The following ELMO1 variants were observed in gnomAD, a reference collection of about 807,000 sequenced individuals.
ELMO1 encodes the protein engulfment and cell motility protein 1.
In ELMO1, 26 loss-of-function variants were observed where a neutral mutation model predicts 98.9. The observed-to-expected ratio is 0.26, with a 90% CI of 0.19 to 0.36. The LOEUF (loss-of-function observed/expected upper bound fraction) is 0.36, where lower values mean the gene tolerates loss of function less well. Ranked by LOEUF, ELMO1 falls within the 10% of genes least tolerant of loss-of-function variation. The pLI is 1.00. For synonymous variants in ELMO1, 346 were observed against 346.0 expected (o/e 1.00, Z 0.00); for missense variants, 627 against 935.2 (o/e 0.67, Z 4.30).
At chr7:37,378,446 G>C (rs555036593) in intron 1 of ELMO1, among the ~76,000 whole-genome samples, 3 of 152,288 alleles carry the variant, frequency 2.0e-5, no homozygotes. Context: ...GCATGCAAAA[G>C]AATGTCCAGA....
At chr7:37,295,334 T>A (rs1797977626) in intron 4 of ELMO1, among the ~76,000 whole-genome samples, 1 of 152,238 alleles carries the variant, frequency 6.6e-6, no homozygotes, top group Non-Finnish European at 1.5e-5. Context: ...GACAGTGGGC[T>A]GTACAAGTGT....
intron 16 of ELMO1, among the ~76,000 whole-genome samples, chr7:36,931,100 T>C (rs1484393596): frequency 3.3e-5 from 5 of 152,244 alleles, no homozygotes; most frequent in African/African-American, 4.8e-5. Flanking sequence ...ATCATGCTTA[T>C]TGGGCACCAT....
intron 13 of ELMO1, among the ~76,000 whole-genome samples, chr7:37,149,073 G>A (rs1482906762): frequency 1.3e-5 from 2 of 152,204 alleles, no homozygotes; most frequent in Admixed American, 6.5e-5. Context: ...ATCAGCATGG[G>A]AGGGGAAACC....
intron 3 of ELMO1, 41 bp downstream of exon 3, chr7:37,315,879 A>G (rs1347384293): frequency 1.3e-6 from 2 of 1,518,218 alleles, no homozygotes; most frequent in Non-Finnish European, 1.8e-6. Flanking sequence ...TTGTCAATTT[A>G]TCAACTAGAA....
intron 13 of ELMO1, among the ~76,000 whole-genome samples, chr7:37,192,998 TATATATATATAC>T (rs1207454640): frequency 0.031 from 2,957 of 94,440 alleles, 124 homozygotes; most frequent in Admixed American, 0.084. Flanking sequence ...TATATATATA[TATATATATATAC>T]ACACACACAC....
At chr7:37,120,261 T>C (rs1785914518) in intron 14 of ELMO1, among the ~76,000 whole-genome samples, 1 of 152,212 alleles carries the variant, frequency 6.6e-6, no homozygotes, top group African/African-American at 2.4e-5. Context: ...GATACTGGGT[T>C]CATCTCACTG....
intron 15 of ELMO1, among the ~76,000 whole-genome samples, chr7:37,022,479 G>A (rs151030031): frequency 7.2e-5 from 11 of 152,264 alleles, no homozygotes; most frequent in African/African-American, 2.6e-4. Flanking sequence ...ATGAAAAGGA[G>A]CTAAGCTTTT....
intron 15 of ELMO1, among the ~76,000 whole-genome samples, chr7:37,015,906 G>A (rs1328807702): frequency 6.6e-6 from 1 of 152,206 alleles, no homozygotes; most frequent in African/African-American, 2.4e-5. Flanking sequence ...GCAGAGAGAT[G>A]GCAAATGTGA....
intron 1 of ELMO1, among the ~76,000 whole-genome samples, chr7:37,348,708 C>A (rs1801123544): frequency 6.6e-6 from 1 of 152,084 alleles, no homozygotes; most frequent in Non-Finnish European, 1.5e-5. Flanking sequence ...TTGACTCCCA[C>A]CTAGAAACTC....
At chr7:37,239,207 C>T (rs1283574972) in intron 7 of ELMO1, among the ~76,000 whole-genome samples, 4 of 151,990 alleles carry the variant, frequency 2.6e-5, no homozygotes, top group Admixed American at 1.3e-4. Flanking sequence ...GCTCTGTCGC[C>T]CAGGCTGGAA....
intron 9 of ELMO1, 63 bp from the exon 10 acceptor site, chr7:37,222,756 T>G (rs1198225504): frequency 4.0e-6 from 6 of 1,502,596 alleles, no homozygotes; most frequent in African/African-American, 1.4e-5. Flanking sequence ...TAGCCCTGGG[T>G]CAAACCATGA....
At chr7:37,332,958 TG>T (rs1384250919) in intron 2 of ELMO1, among the ~76,000 whole-genome samples, 1 of 151,486 alleles carries the variant, frequency 6.6e-6, no homozygotes, top group Admixed American at 6.6e-5. Flanking sequence ...GGAAAAAGGG[TG>T]GATGGACTCA....
intron 7 of ELMO1, among the ~76,000 whole-genome samples, chr7:37,235,252 G>A (rs2130643381): frequency 6.6e-6 from 1 of 151,978 alleles, no homozygotes; most frequent in South Asian, 2.1e-4. Flanking sequence ...AAAAGAAGAA[G>A]AAAAGAAAGT....
At chr7:37,317,760 G>T (rs1799269151) in intron 2 of ELMO1, among the ~76,000 whole-genome samples, 1 of 152,134 alleles carries the variant, frequency 6.6e-6, no homozygotes, top group Non-Finnish European at 1.5e-5. Context: ...CTAGTATTTG[G>T]TAGCACAACA....
chr7:37,128,278 C>T (rs758237736), intron 14 of ELMO1, among the ~76,000 whole-genome samples: 2 of 152,198 alleles, frequency 1.3e-5, no homozygotes, highest in African/African-American at 2.4e-5. Context: ...GTACCATTAT[C>T]TTGTCTCTGA....
chr7:36,990,486 G>C (rs1321568425), intron 16 of ELMO1, among the ~76,000 whole-genome samples: 1 of 152,122 alleles, frequency 6.6e-6, no homozygotes, highest in Admixed American at 6.5e-5. Context: ...GGGAATCACA[G>C]TATCAAATAC....
At chr7:37,289,502 A>C (rs1350350539) in intron 4 of ELMO1, among the ~76,000 whole-genome samples, 1 of 152,212 alleles carries the variant, frequency 6.6e-6, no homozygotes, top group Non-Finnish European at 1.5e-5. Flanking sequence ...CTCAACACTG[A>C]AGCAAAGTTA....
At chr7:36,958,804 G>A (rs1331026760) in intron 16 of ELMO1, among the ~76,000 whole-genome samples, 1 of 151,486 alleles carries the variant, frequency 6.6e-6, no homozygotes, top group African/African-American at 2.4e-5. Flanking sequence ...GGAATGCCTT[G>A]AGTTTGGCCC....
chr7:37,302,680 C>T (rs544191617), intron 4 of ELMO1, among the ~76,000 whole-genome samples: 1 of 152,212 alleles, frequency 6.6e-6, no homozygotes, highest in Admixed American at 6.5e-5. Context: ...GACAAGCCAT[C>T]ATGGATGGGA....
Sources: gnomAD v4.1 joint callset for allele counts (sites outside exome capture counted in the v4.1 genomes callset) on GRCh38, gnomAD v4.1.1 for gene constraint, MANE v1.5 for transcripts, NCBI Gene and HGNC (gene_info 2026-07-23, HGNC 2026-07-21) for gene names.